The following ABTB3 variants were observed in gnomAD, a reference collection of about 807,000 sequenced individuals.
The protein encoded by ABTB3 is ankyrin repeat- and BTB/POZ domain-containing protein 3.
At chr12:107,434,400 G>A in the ABTB3 span, among the ~76,000 whole-genome samples, 1 of 152,244 alleles carries the variant, frequency 6.6e-6, no homozygotes, top group Non-Finnish European at 1.5e-5. Context: ...GACACCCACA[G>A]CGTCTGCTAC....
At chr12:107,459,295 C>T in the ABTB3 span, among the ~76,000 whole-genome samples, 1 of 152,156 alleles carries the variant, frequency 6.6e-6, no homozygotes, top group East Asian at 1.9e-4. Context: ...CTCACATTGC[C>T]GCACTGAACC....
chr12:107,392,367 C>T, the ABTB3 span, among the ~76,000 whole-genome samples: 3 of 152,126 alleles, frequency 2.0e-5, no homozygotes, highest in African/African-American at 7.2e-5. Context: ...GACCCAGGCC[C>T]CTTAGAAGGA....
the ABTB3 span, among the ~76,000 whole-genome samples, chr12:107,540,288 A>G: frequency 6.6e-6 from 1 of 152,134 alleles, no homozygotes; most frequent in Non-Finnish European, 1.5e-5. Context: ...CAAGAGAAGA[A>G]GAGTGTTCCA....
the ABTB3 span, chr12:107,319,590 A>T: frequency 5.2e-6 from 8 of 1,538,230 alleles, no homozygotes; most frequent in Non-Finnish European, 7.0e-6. Context: ...GGCCGCGTGT[A>T]TCGCTGGATG....
the ABTB3 span, among the ~76,000 whole-genome samples, chr12:107,412,543 T>C: frequency 2.0e-5 from 3 of 152,116 alleles, no homozygotes; most frequent in Non-Finnish European, 4.4e-5. Flanking sequence ...GATCATTTTA[T>C]TATTTCACAG....
the ABTB3 span, chr12:107,610,337 C>A: frequency 1.2e-6 from 2 of 1,614,062 alleles, no homozygotes; most frequent in Admixed American, 1.7e-5. Flanking sequence ...CCGATGGGAT[C>A]AACACCATGA....
the ABTB3 span, among the ~76,000 whole-genome samples, chr12:107,589,489 CATCA>C: frequency 6.6e-6 from 1 of 152,200 alleles, no homozygotes; most frequent in Non-Finnish European, 1.5e-5. Context: ...TTTGGAAAGC[CATCA>C]CTGGCTGGAG....
the ABTB3 span, among the ~76,000 whole-genome samples, chr12:107,584,917 C>T: frequency 6.6e-6 from 1 of 152,100 alleles, no homozygotes; most frequent in African/African-American, 2.4e-5. Flanking sequence ...CCCATTTATT[C>T]TTCCTTAATT....
chr12:107,537,904 AG>A, the ABTB3 span, among the ~76,000 whole-genome samples: 1 of 152,088 alleles, frequency 6.6e-6, no homozygotes, highest in East Asian at 1.9e-4. Flanking sequence ...GGCTGCCCAC[AG>A]CCTGCGGCCT....
At chr12:107,550,527 AAC>A in the ABTB3 span, among the ~76,000 whole-genome samples, 1 of 150,594 alleles carries the variant, frequency 6.6e-6, no homozygotes, top group African/African-American at 2.4e-5. Flanking sequence ...CAACAACAAC[AAC>A]AAAAAACTGA....
the ABTB3 span, among the ~76,000 whole-genome samples, chr12:107,581,846 G>T: frequency 6.6e-6 from 1 of 152,286 alleles, no homozygotes. Flanking sequence ...AGAAATAAAA[G>T]AACTCACTCA....
At chr12:107,572,593 A>G in the ABTB3 span, among the ~76,000 whole-genome samples, 3 of 152,110 alleles carry the variant, frequency 2.0e-5, no homozygotes, top group African/African-American at 7.2e-5. Flanking sequence ...TTTTGCTCAC[A>G]TCCTATTTAA....
chr12:107,578,383 CTTTTTTTTTTT>C, the ABTB3 span, among the ~76,000 whole-genome samples: 130 of 57,192 alleles, frequency 2.3e-3, no homozygotes, highest in Non-Finnish European at 3.3e-3. Flanking sequence ...CTTTCTTCTT[CTTTTTTTTTTT>C]TTTTTTTTTT....
the ABTB3 span, among the ~76,000 whole-genome samples, chr12:107,642,792 G>A: frequency 1.3e-5 from 2 of 150,558 alleles, no homozygotes; most frequent in Non-Finnish European, 3.0e-5. Context: ...CCTGGTCCAA[G>A]GCCAGATGAC....
At chr12:107,634,438 A>G in the ABTB3 span, among the ~76,000 whole-genome samples, 1 of 152,184 alleles carries the variant, frequency 6.6e-6, no homozygotes, top group South Asian at 2.1e-4. Context: ...TTTATTGCCA[A>G]AAAGACATGG....
the ABTB3 span, among the ~76,000 whole-genome samples, chr12:107,370,295 C>A: frequency 6.6e-6 from 1 of 152,236 alleles, no homozygotes; most frequent in African/African-American, 2.4e-5. Context: ...CATGTCGGTT[C>A]GTGGAAGCTT....
the ABTB3 span, among the ~76,000 whole-genome samples, chr12:107,591,405 G>A: frequency 9.2e-5 from 14 of 152,308 alleles, no homozygotes; most frequent in East Asian, 2.5e-3. Flanking sequence ...CATGGCGGAA[G>A]GGGAAGTAGG....
chr12:107,610,096 C>T, the ABTB3 span: 2 of 1,450,454 alleles, frequency 1.4e-6, no homozygotes, highest in Non-Finnish European at 1.9e-6. Flanking sequence ...ACATGAAAAG[C>T]AAATGCAATG....
chr12:107,375,882 G>A, the ABTB3 span, among the ~76,000 whole-genome samples: 68 of 152,236 alleles, frequency 4.5e-4, no homozygotes, highest in South Asian at 9.5e-3. Flanking sequence ...CTTGGGAGTC[G>A]AATCCAGGGT....
Sources: gnomAD v4.1 joint callset for allele counts (sites outside exome capture counted in the v4.1 genomes callset) on GRCh38, gnomAD v4.1.1 for gene constraint, MANE v1.5 for transcripts, NCBI Gene and HGNC (gene_info 2026-07-23, HGNC 2026-07-21) for gene names.